THSD7B: variants seen among roughly 807,000 people sequenced by gnomAD.
THSD7B encodes thrombospondin type-1 domain-containing protein 7B.
In THSD7B, 138 loss-of-function variants were observed where a neutral mutation model predicts 213.6. The ratio of observed to expected loss-of-function variants is 0.65; its 90% confidence interval spans 0.56 to 0.74. The LOEUF (loss-of-function observed/expected upper bound fraction) is 0.74. THSD7B is among the 30% of genes least tolerant of loss of function. The pLI is 0.00. For synonymous variants in THSD7B, 742 were observed against 687.0 expected, an observed-to-expected ratio of 1.08 and a Z score of -1.25; for missense variants, 1,931 against 1,991.5, an observed-to-expected ratio of 0.97 and a Z score of 0.58.
At chr2:136,861,694 A>G (rs1683261484) in intron 1 of THSD7B, among the ~76,000 whole-genome samples, 1 of 152,238 alleles carries the variant, frequency 6.6e-6, no homozygotes, top group Non-Finnish European at 1.5e-5. Context: ...GGAGGTCTAG[A>G]GAAATTGAAA....
At chr2:137,663,613 C>T in intron 26 of THSD7B, 38 bp downstream of exon 26, 1 of 1,535,410 alleles carries the variant, frequency 6.5e-7, no homozygotes, top group Non-Finnish European at 8.8e-7. Flanking sequence ...AAAATTTTCT[C>T]ATGGGAGGTC....
chr2:137,393,523 G>A (rs1200493942), intron 12 of THSD7B, among the ~76,000 whole-genome samples: 5 of 148,698 alleles, frequency 3.4e-5, no homozygotes, highest in Admixed American at 3.3e-4. Context: ...GTATTCCATG[G>A]TGTATATGTG....
chr2:137,077,660 T>A (rs552141519), intron 3 of THSD7B, among the ~76,000 whole-genome samples: 2 of 152,014 alleles, frequency 1.3e-5, no homozygotes, highest in Non-Finnish European at 2.9e-5. Context: ...TCGCCCACTT[T>A]TTGATGGGGT....
intron 1 of THSD7B, among the ~76,000 whole-genome samples, chr2:136,803,849 G>A (rs796747640): frequency 2.0e-5 from 3 of 152,264 alleles, no homozygotes; most frequent in Non-Finnish European, 2.9e-5. Context: ...CAGTGTGGGA[G>A]GGCAAGAGAA....
intron 2 of THSD7B, among the ~76,000 whole-genome samples, chr2:136,985,581 T>A (rs1009542151): frequency 2.6e-5 from 4 of 152,216 alleles, no homozygotes; most frequent in African/African-American, 9.6e-5. Flanking sequence ...GAGAAAGCCC[T>A]GGTGCCCAGG....
chr2:137,378,615 A>G (rs1558776167), intron 12 of THSD7B, among the ~76,000 whole-genome samples: 4 of 152,152 alleles, frequency 2.6e-5, no homozygotes, highest in Admixed American at 1.3e-4. Context: ...TCTTCCTTGG[A>G]CTTAGGATTC....
At chr2:137,641,188 C>T (rs1682930986) in intron 20 of THSD7B, among the ~76,000 whole-genome samples, 1 of 152,156 alleles carries the variant, frequency 6.6e-6, no homozygotes, top group Admixed American at 6.5e-5. Context: ...GCTTTAACAA[C>T]ATTTTCTCAA....
intron 17 of THSD7B, among the ~76,000 whole-genome samples, chr2:137,590,558 AT>A (rs1681841331): frequency 6.6e-6 from 1 of 152,110 alleles, no homozygotes; most frequent in Non-Finnish European, 1.5e-5. Flanking sequence ...TTATTATGGT[AT>A]TTTGAAAGTC....
chr2:136,808,482 C>T (rs541914144), intron 1 of THSD7B, among the ~76,000 whole-genome samples: 1 of 152,172 alleles, frequency 6.6e-6, no homozygotes, highest in Non-Finnish European at 1.5e-5. Flanking sequence ...TTATGTCCAT[C>T]ACCTATTGAA....
At chr2:137,261,167 CAG>C (rs1196304662) in intron 10 of THSD7B, among the ~76,000 whole-genome samples, 1 of 152,056 alleles carries the variant, frequency 6.6e-6, no homozygotes, top group East Asian at 1.9e-4. Flanking sequence ...TGTTCAAAGA[CAG>C]AGAGTCAAAA....
intron 5 of THSD7B, among the ~76,000 whole-genome samples, chr2:137,131,572 G>A (rs1213582406): frequency 1.3e-5 from 2 of 152,128 alleles, no homozygotes; most frequent in African/African-American, 2.4e-5. Context: ...TGTAAGGAAG[G>A]GATCAAGTTT....
chr2:137,438,925 C>A (rs762629824), intron 14 of THSD7B, among the ~76,000 whole-genome samples: 3 of 151,912 alleles, frequency 2.0e-5, no homozygotes, highest in Non-Finnish European at 2.9e-5. Context: ...CAATTATTAG[C>A]GTCCTTACAA....
chr2:137,228,487 TA>T (rs1681564845), intron 7 of THSD7B, among the ~76,000 whole-genome samples: 1 of 152,166 alleles, frequency 6.6e-6, no homozygotes, highest in African/African-American at 2.4e-5. Context: ...AGAGATACAA[TA>T]AAACTTATGT....
chr2:137,171,985 A>G (rs1205386783), intron 7 of THSD7B, among the ~76,000 whole-genome samples: 1 of 152,248 alleles, frequency 6.6e-6, no homozygotes, highest in African/African-American at 2.4e-5. Context: ...GTTAAAACTA[A>G]TAGCAACTCC....
chr2:137,101,959 A>C (rs1412409136), intron 4 of THSD7B, among the ~76,000 whole-genome samples: 4 of 152,226 alleles, frequency 2.6e-5, no homozygotes, highest in Non-Finnish European at 5.9e-5. Context: ...AGCTGCGGTC[A>C]CAGCTTTAGC....
intron 14 of THSD7B, among the ~76,000 whole-genome samples, chr2:137,442,581 C>T (rs1027727456): frequency 6.6e-6 from 1 of 151,866 alleles, no homozygotes; most frequent in African/African-American, 2.4e-5. Context: ...TATTGCTGGT[C>T]CTTGTGGCAT....
chr2:137,619,456 A>G (rs1295747287), intron 19 of THSD7B, among the ~76,000 whole-genome samples: 1 of 152,228 alleles, frequency 6.6e-6, no homozygotes, highest in Non-Finnish European at 1.5e-5. Flanking sequence ...AGAACAGAAC[A>G]TCTGAAATGG....
At chr2:136,767,845 A>C (rs1264184286) in intron 1 of THSD7B, among the ~76,000 whole-genome samples, 1 of 152,206 alleles carries the variant, frequency 6.6e-6, no homozygotes. Context: ...CGATGAGCTC[A>C]CTTTATGTCA....
At chr2:137,134,530 C>T (rs76355564) in intron 5 of THSD7B, among the ~76,000 whole-genome samples, 7,510 of 152,114 alleles carry the variant, frequency 0.049, 214 homozygotes, top group East Asian at 0.09. Context: ...TCAGGCCATG[C>T]GCTGGCACTC....
Sources: allele counts gnomAD v4.1 joint callset (sites outside exome capture counted in the v4.1 genomes callset), GRCh38; gene constraint gnomAD v4.1.1; transcripts MANE v1.5; gene names NCBI Gene and HGNC (gene_info 2026-07-23, HGNC 2026-07-21).